The following CSMD1 variants were observed in gnomAD, a reference collection of about 807,000 sequenced individuals.
CSMD1 encodes the protein CUB and sushi domain-containing protein 1.
In CSMD1, 213 loss-of-function variants were observed where a neutral mutation model predicts 417.5. That is an observed-to-expected ratio of 0.51 (90% CI 0.46 to 0.57). The LOEUF (loss-of-function observed/expected upper bound fraction) is 0.57, where lower values mean the gene tolerates loss of function less well. Ranked by LOEUF, CSMD1 falls within the 20% of genes least tolerant of loss-of-function variation. CSMD1 has a pLI of 0.00. For missense variants in CSMD1, 6,923 were observed against 4,529.7 expected (o/e 1.53, Z -15.17); for synonymous variants, 2,862 against 1,736.8 (o/e 1.65, Z -16.11).
At chr8:3,103,871 G>C (rs1275894476) in intron 46 of CSMD1, among the ~76,000 whole-genome samples, 1 of 151,972 alleles carries the variant, frequency 6.6e-6, no homozygotes, top group Non-Finnish European at 1.5e-5. Context: ...AGCCTCCCAA[G>C]TAGCTGGGAT....
intron 3 of CSMD1, among the ~76,000 whole-genome samples, chr8:4,083,916 G>A (rs959715369): frequency 6.6e-6 from 1 of 152,126 alleles, no homozygotes; most frequent in Admixed American, 6.6e-5. Context: ...CTTACAAAAT[G>A]AGAGAAAACT....
At chr8:4,146,369 C>G (rs1410820312) in intron 3 of CSMD1, among the ~76,000 whole-genome samples, 1 of 150,606 alleles carries the variant, frequency 6.6e-6, no homozygotes, top group Non-Finnish European at 1.5e-5. Flanking sequence ...CCAACATCGA[C>G]TTGCAGAGCT....
chr8:4,258,981 A>C (rs551883520), intron 3 of CSMD1, among the ~76,000 whole-genome samples: 1 of 152,326 alleles, frequency 6.6e-6, no homozygotes, highest in South Asian at 2.1e-4. Flanking sequence ...TCTAACTAAG[A>C]CTTTAAAAGA....
chr8:4,900,996 C>G (rs747440446), intron 1 of CSMD1, among the ~76,000 whole-genome samples: 3 of 152,180 alleles, frequency 2.0e-5, no homozygotes, highest in Non-Finnish European at 4.4e-5. Context: ...TAATGATTCA[C>G]CATACTATTT....
chr8:3,762,673 G>C (rs1329521316), intron 5 of CSMD1, among the ~76,000 whole-genome samples: 1 of 152,216 alleles, frequency 6.6e-6, no homozygotes, highest in East Asian at 1.9e-4. Flanking sequence ...AGGCACACTG[G>C]TGCCCAGAGA....
At chr8:4,464,259 T>A (rs188278930) in intron 2 of CSMD1, among the ~76,000 whole-genome samples, 10 of 152,102 alleles carry the variant, frequency 6.6e-5, no homozygotes, top group Non-Finnish European at 1.2e-4. Flanking sequence ...CTTCCTGCAG[T>A]GATTGTATGA....
chr8:4,274,834 A>G (rs916040915), intron 3 of CSMD1, among the ~76,000 whole-genome samples: 3 of 152,138 alleles, frequency 2.0e-5, no homozygotes, highest in Admixed American at 1.3e-4. Flanking sequence ...CTTTGCTTTG[A>G]AAACTATTGT....
chr8:4,480,524 T>C (rs1801040818), intron 2 of CSMD1, among the ~76,000 whole-genome samples: 1 of 152,226 alleles, frequency 6.6e-6, no homozygotes. Context: ...CGGAAATTTC[T>C]CCGCCTTTTT....
chr8:4,253,004 G>C (rs1442396502), intron 3 of CSMD1, among the ~76,000 whole-genome samples: 2 of 152,172 alleles, frequency 1.3e-5, no homozygotes, highest in Admixed American at 6.5e-5. Flanking sequence ...GCCAATGTCG[G>C]ATTATCGGTA....
chr8:3,556,553 C>CT, intron 10 of CSMD1, among the ~76,000 whole-genome samples: 1 of 62,120 alleles, frequency 1.6e-5, no homozygotes, highest in East Asian at 4.5e-4. Flanking sequence ...CACACACACC[C>CT]TCTCTCTCTT....
intron 10 of CSMD1, among the ~76,000 whole-genome samples, chr8:3,557,990 G>C (rs934838648): frequency 6.6e-6 from 1 of 151,302 alleles, no homozygotes; most frequent in Non-Finnish European, 1.5e-5. Flanking sequence ...TGGTGCCTCA[G>C]TGGTACCCTG....
chr8:3,435,660 G>A (rs185008724), intron 12 of CSMD1, among the ~76,000 whole-genome samples: 56 of 152,138 alleles, frequency 3.7e-4, no homozygotes, highest in Admixed American at 1.7e-3. Flanking sequence ...TCACCTGCAC[G>A]GTGCCACCCA....
At chr8:2,946,199 C>T (rs186512906) in intron 68 of CSMD1, among the ~76,000 whole-genome samples, 32 of 152,254 alleles carry the variant, frequency 2.1e-4, no homozygotes, top group Admixed American at 8.5e-4. Context: ...GGTGCATATG[C>T]GATCTTTTGT....
chr8:3,862,547 G>T (rs1450864473), intron 5 of CSMD1, among the ~76,000 whole-genome samples: 1 of 152,104 alleles, frequency 6.6e-6, no homozygotes, highest in Non-Finnish European at 1.5e-5. Flanking sequence ...TTTTCTTTGA[G>T]ATTTTCAGCA....
intron 3 of CSMD1, among the ~76,000 whole-genome samples, chr8:4,339,076 G>C (rs559601303): frequency 6.6e-6 from 1 of 152,172 alleles, no homozygotes; most frequent in South Asian, 2.1e-4. Flanking sequence ...GGGTAGTAGA[G>C]GCATGGATTC....
intron 1 of CSMD1, among the ~76,000 whole-genome samples, chr8:4,690,149 C>A (rs1241780597): frequency 6.6e-6 from 1 of 152,136 alleles, no homozygotes; most frequent in African/African-American, 2.4e-5. Flanking sequence ...TTACAATGCT[C>A]ATAATTTAAG....
At chr8:3,070,639 C>T (rs145257844) in intron 49 of CSMD1, among the ~76,000 whole-genome samples, 3 of 152,302 alleles carry the variant, frequency 2.0e-5, no homozygotes, top group South Asian at 2.1e-4. Context: ...ACCCCATCAG[C>T]CTGGTCTTCA....
chr8:3,127,725 G>A (rs1817581372), intron 41 of CSMD1: 2 of 152,086 alleles, frequency 1.3e-5, no homozygotes, highest in South Asian at 2.1e-4. Context: ...TATGCCTAAA[G>A]CATTAAAATT....
intron 10 of CSMD1, among the ~76,000 whole-genome samples, chr8:3,513,456 G>C (rs1433421996): frequency 6.6e-6 from 1 of 151,796 alleles, no homozygotes; most frequent in Non-Finnish European, 1.5e-5. Flanking sequence ...CTCCTGAATA[G>C]CTGGGATTAC....
Sources: allele counts gnomAD v4.1 joint callset (sites outside exome capture counted in the v4.1 genomes callset), GRCh38; gene constraint gnomAD v4.1.1; transcripts MANE v1.5; gene names NCBI Gene and HGNC (gene_info 2026-07-23, HGNC 2026-07-21).